HDAC4: variants seen among roughly 807,000 people sequenced by gnomAD.
HDAC4 encodes the protein histone deacetylase 4, also known as histone deacetylase A.
Under a neutral mutation model 135.1 loss-of-function variants are expected in HDAC4, and 16 were observed. The ratio of observed to expected loss-of-function variants is 0.12; its 90% CI spans 0.08 to 0.18. The LOEUF (loss-of-function observed/expected upper bound fraction) is 0.18. HDAC4 is among the 10% of genes least tolerant of loss of function. HDAC4 has a pLI of 1.00. For missense variants in HDAC4, 1,143 were observed against 1,511.8 expected (o/e 0.76, Z 4.05); for synonymous variants, 685 against 653.4 (o/e 1.05, Z -0.74).
At chr2:239,297,645 C>T (rs78165208) in intron 2 of HDAC4, among the ~76,000 whole-genome samples, 1,954 of 152,312 alleles carry the variant, frequency 0.013, 18 homozygotes, top group Non-Finnish European at 0.018. Context: ...TGCCAGGCCC[C>T]AATGGTAGCG....
chr2:239,270,549 A>G (rs957491298), intron 2 of HDAC4, among the ~76,000 whole-genome samples: 25 of 152,252 alleles, frequency 1.6e-4, no homozygotes, highest in African/African-American at 6.0e-4. Flanking sequence ...CCGGGGGCTA[A>G]AAAACCTAGA....
At chr2:239,316,974 CAAAT>C (rs1372643851) in intron 2 of HDAC4, among the ~76,000 whole-genome samples, 1 of 152,022 alleles carries the variant, frequency 6.6e-6, no homozygotes, top group Non-Finnish European at 1.5e-5. Flanking sequence ...CAAACAGAAA[CAAAT>C]AACCAAACCC....
rs748009148 is a variant in HDAC4, at chr2:239,134,398, G to A, written c.1141C>T (p.Leu381Phe). ...QDAERLTLPA[L>F]QQRLSLFPGT... ...GGGAAAAGGGAGAGCCTCTGCTGGAGGGCGGGAAGGGTGAGTCTCTCGGCG... is the reference window on the plus strand; with the variant it reads ...GGGAAAAGGGAGAGCCTCTGCTGGAAGGCGGGAAGGGTGAGTCTCTCGGCG... The change falls in exon 11 of 27, where the codon CTC becomes TTC. Residue 381 changes from leucine (L) to phenylalanine (F), a missense_variant. Transcript: ENST00000543185. 1.9e-6 allele frequency: 3 copies of A among 1,613,870 alleles called. No homozygotes were observed. Among genetic ancestry groups the A allele is most frequent in the Admixed American group, 1.7e-5 (1 of 59,992 alleles).
chr2:239,089,724 G>A (rs2036318294), intron 18 of HDAC4: 1 of 413,424 alleles, frequency 2.4e-6, no homozygotes, highest in Non-Finnish European at 4.3e-6. Flanking sequence ...GAAGCTCTTT[G>A]GAGCTTTTTT....
chr2:239,066,527 C>A (rs543139130), intron 24 of HDAC4, among the ~76,000 whole-genome samples, 195 bp downstream of exon 24: 1 of 152,250 alleles, frequency 6.6e-6, no homozygotes, highest in Non-Finnish European at 1.5e-5. Flanking sequence ...CCCTGCACCT[C>A]TTCCAGCCAT....
chr2:239,366,435 C>T (rs1422983144), intron 1 of HDAC4, among the ~76,000 whole-genome samples: 1 of 152,260 alleles, frequency 6.6e-6, no homozygotes, highest in East Asian at 1.9e-4. Flanking sequence ...GATGTCAGCA[C>T]TGAGGCCCTT....
chr2:239,233,815 C>G (rs186348736), intron 3 of HDAC4, among the ~76,000 whole-genome samples: 59 of 152,340 alleles, frequency 3.9e-4, no homozygotes, highest in Non-Finnish European at 4.4e-5. Flanking sequence ...GGAGCGAGCT[C>G]TCACAGTGAC....
intron 7 of HDAC4, among the ~76,000 whole-genome samples, chr2:239,145,471 T>C (rs924568343): frequency 1.3e-5 from 2 of 152,240 alleles, no homozygotes; most frequent in African/African-American, 4.8e-5. Flanking sequence ...CTCATCTGCA[T>C]CTGGAACCCA....
At chr2:239,153,720 C>T (rs955473826) in intron 7 of HDAC4, among the ~76,000 whole-genome samples, 10 of 152,192 alleles carry the variant, frequency 6.6e-5, no homozygotes, top group South Asian at 2.1e-4. Context: ...TTCTCTCTTC[C>T]GTTCTCAAGA....
chr2:239,224,738 G>A (rs1264982775), intron 3 of HDAC4, among the ~76,000 whole-genome samples: 2 of 152,176 alleles, frequency 1.3e-5, no homozygotes, highest in Non-Finnish European at 2.9e-5. Context: ...GGCATTAGAA[G>A]GCCCAATCAA....
chr2:239,181,232 T>C (rs1374854839), intron 4 of HDAC4, among the ~76,000 whole-genome samples: 4 of 152,068 alleles, frequency 2.6e-5, no homozygotes, highest in African/African-American at 7.2e-5. Context: ...AGCACGGGGA[T>C]AGAAGAGCTG....
At chr2:239,082,001 C>G in intron 21 of HDAC4, 101 bp downstream of exon 21, 1 of 1,318,102 alleles carries the variant, frequency 7.6e-7, no homozygotes, top group Non-Finnish European at 1.1e-6. Flanking sequence ...GAAGGCCGCA[C>G]TCACTGCTGC....
intron 5 of HDAC4, among the ~76,000 whole-genome samples, chr2:239,174,382 A>G (rs2152995926): frequency 7.9e-6 from 1 of 126,848 alleles, no homozygotes; most frequent in Admixed American, 8.4e-5. Context: ...GCACTTCACA[A>G]AAAGGGGAAT....
At chr2:239,242,222 A>C in intron 2 of HDAC4, among the ~76,000 whole-genome samples, 1 of 84,504 alleles carries the variant, frequency 1.2e-5, no homozygotes. Flanking sequence ...CGAGAGAGGA[A>C]GGAGGGGAAG....
chr2:239,223,640 G>A lies in HDAC4; in HGVS notation c.94+12953C>T, dbSNP rs181276825. 2.2e-3 allele frequency among the ~76,000 whole-genome samples: 339 copies of A among 152,226 alleles called. 2 individuals carry two copies. Among genetic ancestry groups the A allele is most frequent in the African/African-American group, 7.6e-3 (314 of 41,520 alleles). ...AGTGACAGATGGGTGGCCTTGGTAA[G>A]GGGACCTGTGGCCATCAGTGTCCTC... On this transcript the variant is annotated intron_variant, in intron 3 of 26. Transcript: ENST00000543185.
In HDAC4 at chr2:239,339,478, C is replaced by G. The variant is rs1692160035; in HGVS notation, c.22+13200G>C. On this transcript the variant is annotated intron_variant, in intron 2 of 26. Transcript: ENST00000543185. ...GCCCCTGTCCATTCCCCAGGTGAAG[C>G]CTAAATGCTCTGATCTGGACATGGG... is the stretch of plus-strand genomic sequence containing the variant. 2.6e-5 allele frequency among the ~76,000 whole-genome samples: 4 copies of G among 152,316 alleles called. No homozygotes were observed. In the South Asian group the frequency reaches 8.3e-4, roughly 32 times the overall value.
In HDAC4 at chr2:239,347,756, C is replaced by G. The variant is rs548222001; in HGVS notation, c.22+4922G>C. On this transcript the variant is annotated intron_variant, in intron 2 of 26. Coordinates refer to ENST00000543185, the MANE Select transcript of HDAC4 (RefSeq NM_001378414.1). ...TCGCGAACTCCTGACCTCAAATGAT[C>G]TGCCCACCTCGGCCTCTCAAAGCAC... 3.3e-4 allele frequency among the ~76,000 whole-genome samples: 51 copies of G among 152,320 alleles called. No homozygotes were observed. The South Asian group carries it at 9.9e-3, about 30-fold the overall frequency.
At position 239,050,661 on chromosome 2, in the gene HDAC4, T is replaced by G. The variant is rs1028877425; in HGVS notation, c.*2436A>C. 2 of 152,668 alleles carry G rather than the reference T, an allele frequency of 1.3e-5. No individual in the cohort carries two copies. Among genetic ancestry groups the G allele is most frequent in the Admixed American group, 6.5e-5 (1 of 15,284 alleles). The allele number at this position is 152,668 out of a possible 1,614,324, so 9.5% of individuals were successfully genotyped here. A position where few individuals can be genotyped will look rare whatever the true frequency, so the allele number is the denominator to read the frequency against. ...TTTGAGTTAATTTCAGAAGCTACCC[T>G]GTAAACTTTACCAAACTCCGAAACT... On this transcript the variant is annotated 3_prime_UTR_variant, in exon 27 of 27. Coordinates refer to ENST00000543185, the MANE Select transcript of HDAC4 (RefSeq NM_001378414.1).
intron 2 of HDAC4, among the ~76,000 whole-genome samples, chr2:239,293,262 G>C (rs371932274): frequency 6.6e-6 from 1 of 152,310 alleles, no homozygotes; most frequent in South Asian, 2.1e-4. Flanking sequence ...TTCTCTACTC[G>C]GGAGCTTCCC....
Sources: gnomAD v4.1 joint callset for allele counts (sites outside exome capture counted in the v4.1 genomes callset) on GRCh38, gnomAD v4.1.1 for gene constraint, MANE v1.5 for transcripts, NCBI Gene and HGNC (gene_info 2026-07-23, HGNC 2026-07-21) for gene names.